KYNU: variants seen among roughly 807,000 people sequenced by gnomAD.
The protein encoded by KYNU is L-kynurenine hydrolase.
A neutral mutation model predicts 59.2 loss-of-function variants in KYNU; 54 were observed. That is an observed-to-expected ratio of 0.91 (90% CI 0.73 to 1.14). The LOEUF (loss-of-function observed/expected upper bound fraction) is 1.14. KYNU is among the 50% of genes most tolerant of loss of function. The pLI is 0.00. For synonymous variants in KYNU, 177 were observed against 192.0 expected (o/e 0.92, Z 0.65); for missense variants, 567 against 554.4 (o/e 1.02, Z -0.23).
chr2:142,885,411 G>T lies in KYNU; in HGVS notation c.44G>T (p.Arg15Leu), dbSNP rs200861229. The T allele has an allele frequency of 1.2e-6, 2 of 1,613,784 alleles. No individual in the cohort carries two copies. The highest frequency in any genetic ancestry group is 1.7e-6 in the Non-Finnish European group (2 of 1,179,930). ...SLELPADTVQRIAAELKCHPT... is the reference protein window; with the variant it reads ...SLELPADTVQLIAAELKCHPT... Reference sequence around the variant, plus strand: ...GAGCTGCCGGCTGACACAGTGCAGCGCATTGCGGCTGAACTCAAATGCCAC... The same window carrying T: ...GAGCTGCCGGCTGACACAGTGCAGCTCATTGCGGCTGAACTCAAATGCCAC... The change falls in exon 2 of 14, where the codon CGC becomes CTC. Residue 15 changes from arginine to leucine, a missense_variant. Coordinates refer to ENST00000264170, the MANE Select transcript of KYNU (RefSeq NM_003937.3).
intron 3 of KYNU, among the ~76,000 whole-genome samples, chr2:142,919,095 C>G (rs1558921254): frequency 6.6e-6 from 1 of 152,172 alleles, no homozygotes; most frequent in African/African-American, 2.4e-5. Context: ...ATGCAGCCAT[C>G]CATTTTTTTC....
intron 2 of KYNU, among the ~76,000 whole-genome samples, chr2:142,917,000 C>G (rs188810005): frequency 2.0e-5 from 3 of 152,080 alleles, no homozygotes; most frequent in Admixed American, 2.0e-4. Flanking sequence ...ATTGGCAATA[C>G]CTACTTTAAA....
rs551355657 is a variant in KYNU at position 142,960,703 on chromosome 2, G to C, written c.662G>C (p.Ser221Thr). The C allele has an allele frequency of 6.2e-7, 1 of 1,613,970 alleles. No individual in the cohort carries two copies. Among genetic ancestry groups the C allele is most frequent in the Non-Finnish European group, 8.5e-7 (1 of 1,179,912 alleles). The change falls in exon 8 of 14, where the codon AGT (serine) becomes ACT (threonine). Residue 221 changes from serine (S) to threonine (T), a missense_variant. By Grantham distance (58) the Ser-to-Thr change is moderately conservative. Coordinates refer to ENST00000264170, the MANE Select transcript of KYNU (RefSeq NM_003937.3). ...GACTCAATTGCAGTGATCCTGTTCA[G>C]TGGGGTGCATTTTTACACTGGACAG... Reference protein sequence around the residue: ...EGDSIAVILFSGVHFYTGQHF... With the variant: ...EGDSIAVILFTGVHFYTGQHF...
intron 2 of KYNU, among the ~76,000 whole-genome samples, chr2:142,912,088 C>T (rs1229340561): frequency 6.6e-6 from 1 of 151,998 alleles, no homozygotes; most frequent in Non-Finnish European, 1.5e-5. Context: ...GGAGTCACCC[C>T]CTCCTTAATT....
chr2:143,022,916 C>T (rs1686449653), intron 10 of KYNU, among the ~76,000 whole-genome samples: 1 of 151,948 alleles, frequency 6.6e-6, no homozygotes, highest in Non-Finnish European at 1.5e-5. Context: ...CTCACCACAA[C>T]AAACTTGACT....
intron 8 of KYNU, among the ~76,000 whole-genome samples, chr2:142,968,079 C>A (rs1428757827): frequency 6.6e-6 from 1 of 152,076 alleles, no homozygotes; most frequent in Non-Finnish European, 1.5e-5. Flanking sequence ...GGCCATTCAC[C>A]GAATAGGATC....
intron 4 of KYNU, among the ~76,000 whole-genome samples, chr2:142,945,556 A>G (rs977085718): frequency 1.3e-5 from 2 of 152,156 alleles, no homozygotes; most frequent in Non-Finnish European, 2.9e-5. Context: ...GAGGGTTGGA[A>G]TAAACTTCCC....
rs1040793052 is a variant in KYNU, at chr2:143,033,325, A to C, written c.1041+4A>C. ...TTCCTTGCATGCTAGTTTAGAGGTAAGTGATGTGTGTTTCAACCTTCCCAC... is the reference window on the plus strand; with the variant it reads ...TTCCTTGCATGCTAGTTTAGAGGTACGTGATGTGTGTTTCAACCTTCCCAC... On this transcript the variant is annotated splice_donor_region_variant and intron_variant, in intron 12 of 13. Coordinates refer to ENST00000264170, the MANE Select transcript of KYNU (RefSeq NM_003937.3). 4 of 1,607,000 alleles carry C rather than the reference A, an allele frequency of 2.5e-6. No homozygotes were observed. Among genetic ancestry groups the C allele is most frequent in the Non-Finnish European group, 3.4e-6 (4 of 1,173,474 alleles).
chr2:143,028,265 A>C lies in KYNU; in HGVS notation c.903-1362A>C, dbSNP rs1207237484. On this transcript the variant is annotated intron_variant, in intron 10 of 13. Transcript: ENST00000264170. Reference sequence around the variant, plus strand: ...ATTCTTTTTTTTTTTTTTTTTTTTGAGATGGAGTCTCACTCTGTCACCCAG... The same window carrying C: ...ATTCTTTTTTTTTTTTTTTTTTTTGCGATGGAGTCTCACTCTGTCACCCAG... Among the ~76,000 whole-genome samples, 5 of 11,308 alleles carry C rather than the reference A, an allele frequency of 4.4e-4. No homozygotes were observed. The East Asian group carries it at 5.3e-3, about 12-fold the overall frequency. 7.4% of individuals were successfully genotyped at this position (11,308 alleles called of 152,430 possible).
intron 3 of KYNU, among the ~76,000 whole-genome samples, chr2:142,925,801 A>AG (rs773490288): frequency 6.6e-6 from 1 of 151,984 alleles, no homozygotes; most frequent in Non-Finnish European, 1.5e-5. Flanking sequence ...CCTTTTAGGG[A>AG]GTACCAGCCC....
chr2:142,885,572 T>C, intron 2 of KYNU, 36 bp downstream of exon 2: 1 of 1,525,162 alleles, frequency 6.6e-7, no homozygotes, highest in South Asian at 1.2e-5. Flanking sequence ...ATTTTATTTA[T>C]TTATTTATTT....
intron 10 of KYNU, among the ~76,000 whole-genome samples, chr2:142,986,730 C>T (rs893829172): frequency 6.6e-6 from 1 of 151,266 alleles, no homozygotes; most frequent in African/African-American, 2.4e-5. Flanking sequence ...AAAAAAAAAC[C>T]CTTTTCATAG....
intron 8 of KYNU, among the ~76,000 whole-genome samples, chr2:142,983,833 G>A (rs74671874): frequency 0.016 from 2,444 of 152,048 alleles, 66 homozygotes; most frequent in African/African-American, 0.056. Context: ...AAAAACAGTA[G>A]CATTGTTTAT....
At chr2:142,883,958 C>A (rs538098691) in intron 1 of KYNU, among the ~76,000 whole-genome samples, 41 of 152,250 alleles carry the variant, frequency 2.7e-4, no homozygotes, top group African/African-American at 9.9e-4. Context: ...ATGAAATCAG[C>A]AAAACTATAT....
chr2:142,908,519 A>G (rs1173486948), intron 2 of KYNU, among the ~76,000 whole-genome samples: 1 of 151,898 alleles, frequency 6.6e-6, no homozygotes, highest in Non-Finnish European at 1.5e-5. Context: ...AAATATGCCT[A>G]TATTAGAGTC....
At chr2:143,030,923 A>T (rs1303235099) in intron 11 of KYNU, among the ~76,000 whole-genome samples, 2 of 152,196 alleles carry the variant, frequency 1.3e-5, no homozygotes, top group Non-Finnish European at 2.9e-5. Flanking sequence ...CACAAATCCT[A>T]TTTTATAATA....
At chr2:142,953,480 T>A (rs1684060613) in intron 4 of KYNU, among the ~76,000 whole-genome samples, 1 of 152,184 alleles carries the variant, frequency 6.6e-6, no homozygotes, top group Non-Finnish European at 1.5e-5. Context: ...ATAAATATAA[T>A]GAAGATGGCA....
Position 143,053,602 on chromosome 2 carries a change from G to A in KYNU, c.*11430G>A, listed in dbSNP as rs1687304407. 1 of 152,210 alleles carries A rather than the reference G, an allele frequency of 6.6e-6. No homozygotes were observed. The highest frequency in any genetic ancestry group is 1.9e-4 in the East Asian group (1 of 5,200). The allele number at this position is 152,210 out of a possible 1,614,324, so 9.4% of individuals were successfully genotyped here. Reference sequence around the variant, plus strand: ...TTCTGTGCTGTTCTCATGATGGTGAGTAAGTCTCATGAGATCTGATGGTTT... The same window carrying A: ...TTCTGTGCTGTTCTCATGATGGTGAATAAGTCTCATGAGATCTGATGGTTT... On this transcript the variant is annotated 3_prime_UTR_variant, in exon 14 of 14. Transcript: ENST00000264170.
chr2:142,953,381 C>T (rs1684056748), intron 4 of KYNU, among the ~76,000 whole-genome samples: 1 of 152,192 alleles, frequency 6.6e-6, no homozygotes, highest in Non-Finnish European at 1.5e-5. Flanking sequence ...ATCTTAAAGG[C>T]ATTCCCAGAA....
Sources: gnomAD v4.1 joint callset for allele counts (sites outside exome capture counted in the v4.1 genomes callset) on GRCh38, gnomAD v4.1.1 for gene constraint, MANE v1.5 for transcripts, NCBI Gene and HGNC (gene_info 2026-07-23, HGNC 2026-07-21) for gene names.